SLC6A7: variants seen among roughly 807,000 people sequenced by gnomAD.
The protein encoded by SLC6A7 is solute carrier family 6 member 7, also known as sodium-dependent proline transporter.
A neutral mutation model predicts 73.1 loss-of-function variants in SLC6A7; 58 were observed. The ratio of observed to expected loss-of-function variants is 0.79; its 90% CI spans 0.64 to 0.99. SLC6A7 has a LOEUF of 0.99. SLC6A7 is among the 50% of genes least tolerant of loss of function. The pLI is 0.00. For missense variants in SLC6A7, 783 were observed against 831.4 expected (o/e 0.94, Z 0.72); for synonymous variants, 338 against 338.7 (o/e 1.00, Z 0.02).
chr5:150,207,593 A>G (rs538821422), intron 13 of SLC6A7, among the ~76,000 whole-genome samples: 1 of 152,340 alleles, frequency 6.6e-6, no homozygotes, highest in African/African-American at 2.4e-5. Context: ...GTTTATCAAT[A>G]TAGTCTGCAT....
At chr5:150,208,060 A>G (rs1271304646) in intron 13 of SLC6A7, among the ~76,000 whole-genome samples, 1 of 136,426 alleles carries the variant, frequency 7.3e-6, no homozygotes, top group East Asian at 2.1e-4. Context: ...AAATGTCAGG[A>G]GCACTCAGGT....
Position 150,199,317 on chromosome 5 carries a change from G to A in SLC6A7, c.674G>A (p.Trp225Ter). The change falls in exon 5 of 14, where the codon TGG (tryptophan) becomes TAG (stop). Residue 225 changes from tryptophan (W) to a stop codon, truncating the protein, a stop_gained. Coordinates refer to ENST00000230671, the MANE Select transcript of SLC6A7 (RefSeq NM_014228.5). LOFTEE classifies it high-confidence loss of function. Reference sequence around the variant, plus strand: ...CTCTGCCTCTGCCTGCTGCTGGCCTGGGTCATCGTGTTCCTCTGTATCCTC... The same window carrying A: ...CTCTGCCTCTGCCTGCTGCTGGCCTAGGTCATCGTGTTCCTCTGTATCCTC... ...WNLCLCLLLA[W>*]VIVFLCILKG... is the part of the protein sequence containing the mutation. 1 of 1,614,124 alleles carries A rather than the reference G, an allele frequency of 6.2e-7. No individual in the cohort carries two copies. The highest frequency in any genetic ancestry group is 8.5e-7 in the Non-Finnish European group (1 of 1,179,996).
In SLC6A7 at chr5:150,194,791, T is replaced by A; in HGVS notation, c.97T>A (p.Phe33Ile). The A allele has an allele frequency of 6.2e-7, 1 of 1,614,138 alleles. No homozygotes were observed. The highest frequency in any genetic ancestry group is 8.5e-7 in the Non-Finnish European group (1 of 1,180,002). ...GGGCGATGTCGACCTGGATGTGGAC[T>A]TTGCTGCACACCGGGGGAACTGGAC... The part of the protein sequence containing the change: ...DQGDVDLDVD[F>I]AAHRGNWTGK... The change falls in exon 2 of 14, where the codon TTT becomes ATT. Residue 33 changes from phenylalanine (F) to isoleucine (I), a missense_variant. By Grantham distance (21) the Phe-to-Ile change is conservative. Transcript: ENST00000230671.
At chr5:150,205,122 T>C (rs975081982) in intron 12 of SLC6A7, among the ~76,000 whole-genome samples, 195 bp downstream of exon 12, 1 of 152,188 alleles carries the variant, frequency 6.6e-6, no homozygotes, top group African/African-American at 2.4e-5. Context: ...CCTAGTTCAG[T>C]TGGTTAAATG....
chr5:150,198,814 GT>G lies in SLC6A7; in HGVS notation c.585-413del, dbSNP rs1562086956. 1.3e-4 allele frequency among the ~76,000 whole-genome samples: 8 copies of G among 63,254 alleles called. No homozygotes were observed. The East Asian group carries it at 1.5e-3, about 12-fold the overall frequency. The allele number at this position is 63,254 out of a possible 152,430, so 41.5% of individuals were successfully genotyped here. On this transcript the variant is annotated intron_variant, in intron 4 of 13. Coordinates refer to ENST00000230671, the MANE Select transcript of SLC6A7 (RefSeq NM_014228.5). Reference sequence around the variant, plus strand: ...CAGTCATGGCCAGGCCCTGGATGGTGTGTGTGTGTGTGTGTGTGTGTGTGTG... The same window carrying G: ...CAGTCATGGCCAGGCCCTGGATGGTGGTGTGTGTGTGTGTGTGTGTGTGTG...
rs748930964 is a variant in SLC6A7, at chr5:150,203,774, A to T, written c.1195A>T (p.Ser399Cys). 2 of 1,577,026 alleles carry T rather than the reference A, an allele frequency of 1.3e-6. No individual in the cohort carries two copies. The highest frequency in any genetic ancestry group is 4.5e-5 in the East Asian group (2 of 44,680). The change falls in exon 9 of 14, where the codon AGC becomes TGC. Residue 399 changes from serine to cysteine, a missense_variant. Coordinates refer to ENST00000230671, the MANE Select transcript of SLC6A7 (RefSeq NM_014228.5). ...FFMLLTLGLD[S>C]QFAFLETIVT... Reference sequence around the variant, plus strand: ...CATGCTTCTGACTCTCGGCCTAGATAGCCAGGTGAGTCTCGTCTGTGGCAG... The same window carrying T: ...CATGCTTCTGACTCTCGGCCTAGATTGCCAGGTGAGTCTCGTCTGTGGCAG...
intron 10 of SLC6A7, 49 bp downstream of exon 10, chr5:150,204,087 C>G: frequency 1.3e-6 from 2 of 1,563,670 alleles, no homozygotes; most frequent in Non-Finnish European, 1.7e-6. Flanking sequence ...CAAGGGCAGA[C>G]GCCTGCAACG....
intron 8 of SLC6A7, among the ~76,000 whole-genome samples, chr5:150,203,172 C>T (rs1477372283): frequency 1.3e-5 from 2 of 152,028 alleles, no homozygotes; most frequent in South Asian, 2.1e-4. Flanking sequence ...TCTGGTGGTC[C>T]ATGTGCAAGG....
In SLC6A7 at chr5:150,203,732, T is replaced by TA; in HGVS notation, c.1153_1154insA (p.Ser385TyrfsTer15). 1 of 1,612,310 alleles carries TA rather than the reference T, an allele frequency of 6.2e-7. No homozygotes were observed. The highest frequency in any genetic ancestry group is 8.5e-7 in the Non-Finnish European group (1 of 1,178,626). Reference sequence around the variant, plus strand: ...CATGCTGCCTCTGTCACCCTTCTGGTCCTTTCTCTTCTTCTTCATGCTTCT... The same window carrying TA: ...CATGCTGCCTCTGTCACCCTTCTGGTACCTTTCTCTTCTTCTTCATGCTTCT... On this transcript the variant is annotated frameshift_variant, in exon 9 of 14. Transcript: ENST00000230671. LOFTEE classifies it high-confidence loss of function.
chr5:150,203,765 G>T lies in SLC6A7; in HGVS notation c.1186G>T (p.Gly396Cys). 1 of 1,598,814 alleles carries T rather than the reference G, an allele frequency of 6.3e-7. No homozygotes were observed. ...FLFFFMLLTLGLDSQFAFLET... is the reference protein window; with the variant it reads ...FLFFFMLLTLCLDSQFAFLET... ...CTTCTTCTTCATGCTTCTGACTCTCGGCCTAGATAGCCAGGTGAGTCTCGT... is the reference window on the plus strand; with the variant it reads ...CTTCTTCTTCATGCTTCTGACTCTCTGCCTAGATAGCCAGGTGAGTCTCGT... Residue 396 changes from glycine to cysteine, a missense_variant, in exon 9 of 14, where the codon GGC becomes TGC. Transcript: ENST00000230671.
chr5:150,206,097 G>T (rs7704850), intron 13 of SLC6A7, among the ~76,000 whole-genome samples: 117,936 of 152,106 alleles, frequency 0.78, 46,042 homozygotes, highest in African/African-American at 0.82. Flanking sequence ...CAGACAAACA[G>T]AGAGAGTGCA....
intron 1 of SLC6A7, 22 bp downstream of exon 1, chr5:150,190,382 G>T (rs1752720061): frequency 2.0e-6 from 3 of 1,476,020 alleles, no homozygotes; most frequent in South Asian, 1.3e-5. Context: ...GGGCGGGGGC[G>T]CTGGGGGTGC....
At chr5:150,194,093 C>G (rs1323955329) in intron 1 of SLC6A7, among the ~76,000 whole-genome samples, 2 of 152,188 alleles carry the variant, frequency 1.3e-5, no homozygotes, top group Non-Finnish European at 2.9e-5. Context: ...TTACTAAGAT[C>G]ATCATCATGC....
At chr5:150,198,515 A>G (rs1753193314) in intron 4 of SLC6A7, among the ~76,000 whole-genome samples, 1 of 152,096 alleles carries the variant, frequency 6.6e-6, no homozygotes, top group Non-Finnish European at 1.5e-5. Context: ...AGGATTTGAT[A>G]CAATCACTGG....
In SLC6A7 at chr5:150,209,419, C is replaced by T; in HGVS notation, c.1715C>T (p.Ala572Val). 1 of 1,613,476 alleles carries T rather than the reference C, an allele frequency of 6.2e-7. No individual in the cohort carries two copies. Among genetic ancestry groups the T allele is most frequent in the Non-Finnish European group, 8.5e-7 (1 of 1,179,950 alleles). The change falls in exon 14 of 14, where the codon GCC becomes GTC. Residue 572 changes from alanine to valine, a missense_variant. By Grantham distance (64) the Ala-to-Val change is moderately conservative. Coordinates refer to ENST00000230671, the MANE Select transcript of SLC6A7 (RefSeq NM_014228.5). Reference protein sequence around the residue: ...EGSLWERLQQASRPAMDWGPS... With the variant: ...EGSLWERLQQVSRPAMDWGPS... ...GCTTTGCTGCAGCGGCTCCAACAGG[C>T]CAGCCGGCCGGCCATGGACTGGGGA...
Position 150,204,918 on chromosome 5 carries a change from C to A in SLC6A7, c.1524C>A (p.Ala508=). The A allele has an allele frequency of 7.0e-7, 1 of 1,429,388 alleles. No homozygotes were observed. Among genetic ancestry groups the A allele is most frequent in the Non-Finnish European group, 9.9e-7 (1 of 1,011,110 alleles). The allele number at this position is 1,429,388 out of a possible 1,614,324, so 88.5% of individuals were successfully genotyped here. A position where few individuals can be genotyped will look rare whatever the true frequency, so the allele number is the denominator to read the frequency against. Reference sequence around the variant, plus strand: ...CCTGCTGGCTGTTCCTGTCCCCAGCCACGCTCTTGGTAACTGGGGAGGGCG... The same window carrying A: ...CCTGCTGGCTGTTCCTGTCCCCAGCAACGCTCTTGGTAACTGGGGAGGGCG... ...FRACWLFLSP[A]TLLALMVYSI... is the part of the protein sequence containing the mutation. The change falls in exon 12 of 14, where the codon GCC becomes GCA. Residue 508 remains alanine, a synonymous_variant. Coordinates refer to ENST00000230671, the MANE Select transcript of SLC6A7 (RefSeq NM_014228.5).
chr5:150,190,465 G>A, intron 1 of SLC6A7, 105 bp downstream of exon 1: 1 of 744,914 alleles, frequency 1.3e-6, no homozygotes, highest in Non-Finnish European at 2.0e-6. Flanking sequence ...ACCCAGACCA[G>A]CTTCGGGCTC....
At chr5:150,196,294 G>C (rs1447609615) in intron 2 of SLC6A7, among the ~76,000 whole-genome samples, 2 of 152,222 alleles carry the variant, frequency 1.3e-5, no homozygotes, top group Admixed American at 1.3e-4. Context: ...AAGGGGAAGG[G>C]CTATTGGGCC....
At chr5:150,205,346 C>G in intron 12 of SLC6A7, 110 bp from the exon 13 acceptor site, 1 of 853,032 alleles carries the variant, frequency 1.2e-6, no homozygotes, top group Non-Finnish European at 1.8e-6. Flanking sequence ...TCCTGGGTAG[C>G]TCTGGGCTGG....
Sources: allele counts gnomAD v4.1 joint callset (sites outside exome capture counted in the v4.1 genomes callset), GRCh38; gene constraint gnomAD v4.1.1; transcripts MANE v1.5; gene names NCBI Gene and HGNC (gene_info 2026-07-23, HGNC 2026-07-21).